The following GSTA1 variants were observed in gnomAD, a reference collection of about 807,000 sequenced individuals.
GSTA1 encodes glutathione S-transferase alpha 1.
In GSTA1, 23 loss-of-function variants were observed where a neutral mutation model predicts 21.5. That is an observed-to-expected ratio of 1.07 (90% CI 0.77 to 1.52). The LOEUF (loss-of-function observed/expected upper bound fraction) is 1.52. Among genes scored for constraint, GSTA1 ranks in the 40% most tolerant of loss-of-function variants. The pLI, the probability that GSTA1 is intolerant of heterozygous loss-of-function variation, is 0.00. For synonymous variants in GSTA1, 125 were observed against 90.0 expected (o/e 1.39, Z -2.20); for missense variants, 301 against 264.2 (o/e 1.14, Z -0.96).
intron 1 of GSTA1, among the ~76,000 whole-genome samples, chr6:52,802,357 T>A (rs545203932): frequency 5.9e-5 from 9 of 152,342 alleles, no homozygotes; most frequent in African/African-American, 2.2e-4. Flanking sequence ...CCTTCCATTA[T>A]GAGATTCATA....
intron 4 of GSTA1, 92 bp from the exon 5 acceptor site, chr6:52,794,358 G>T: frequency 7.7e-7 from 1 of 1,306,804 alleles, no homozygotes; most frequent in Non-Finnish European, 1.1e-6. Context: ...ATCAGGTGAT[G>T]GCAAAATAAT....
intron 4 of GSTA1, among the ~76,000 whole-genome samples, chr6:52,794,486 T>G (rs1269449348): frequency 6.6e-6 from 1 of 152,206 alleles, no homozygotes; most frequent in Non-Finnish European, 1.5e-5. Context: ...GTTACACACA[T>G]GACCTAATAC....
At position 52,792,851 on chromosome 6, in the gene GSTA1, G is replaced by A; in HGVS notation, c.546+5C>T. On this transcript the variant is annotated splice_donor_5th_base_variant and intron_variant, in intron 6 of 6. Transcript: ENST00000334575. ...GCTGCCTCTCTGGGCTGTGAAATGG[G>A]TCACCTTCAGCAGAGGGAAGCTGGA... The A allele has an allele frequency of 6.2e-7, 1 of 1,613,872 alleles. No individual in the cohort carries two copies.
chr6:52,801,691 T>C (rs1464438636), intron 1 of GSTA1, among the ~76,000 whole-genome samples: 1 of 152,140 alleles, frequency 6.6e-6, no homozygotes, highest in Non-Finnish European at 1.5e-5. Flanking sequence ...CTTTGTTGGG[T>C]CAACAGAAAA....
chr6:52,799,399 TC>T lies in GSTA1; in HGVS notation c.-30-103del, dbSNP rs938197975. 11 of 739,134 alleles carry T rather than the reference TC, an allele frequency of 1.5e-5. No individual in the cohort carries two copies. In the Admixed American group the frequency reaches 3.2e-4, roughly 21 times the overall value. The allele number at this position is 739,134 out of a possible 1,614,324, so 45.8% of individuals were successfully genotyped here. A position where few individuals can be genotyped will look rare whatever the true frequency, so the allele number is the denominator to read the frequency against. On this transcript the variant is annotated intron_variant, in intron 1 of 6. Transcript: ENST00000334575. ...CACCAACAATACTGAAGAAGAACCT[TC>T]CTTCTTCATGACTGTGTTGGAGGAG...
chr6:52,793,961 T>G (rs998412020), intron 5 of GSTA1, among the ~76,000 whole-genome samples, 164 bp downstream of exon 5: 3 of 152,328 alleles, frequency 2.0e-5, no homozygotes, highest in Middle Eastern at 3.4e-3. Context: ...ATACAATTGT[T>G]TCTCCAAGTC....
chr6:52,792,950 T>C lies in GSTA1; in HGVS notation c.452A>G (p.Asn151Ser). Residue 151 changes from asparagine (N) to serine (S), a missense_variant, in exon 6 of 7, where the codon AAC (asparagine) becomes AGC (serine). Coordinates refer to ENST00000334575, the MANE Select transcript of GSTA1 (RefSeq NM_145740.5). ...ATGAATGTCAGCCCGGCTCAGCTTGTTGCCAACAAGGTAGTCTTGTCCATG... is the reference window on the plus strand; with the variant it reads ...ATGAATGTCAGCCCGGCTCAGCTTGCTGCCAACAAGGTAGTCTTGTCCATG... Reference protein sequence around the residue: ...KSHGQDYLVGNKLSRADIHLV... With the variant: ...KSHGQDYLVGSKLSRADIHLV... 2 of 1,614,088 alleles carry C rather than the reference T, an allele frequency of 1.2e-6. No homozygotes were observed. Among genetic ancestry groups the C allele is most frequent in the Non-Finnish European group, 1.7e-6 (2 of 1,179,996 alleles).
At position 52,799,178 on chromosome 6, in the gene GSTA1, T is replaced by A. The variant is rs1467165809; in HGVS notation, c.87+3A>T. On this transcript the variant is annotated splice_donor_region_variant and intron_variant, in intron 2 of 6. Transcript: ENST00000334575. ...ACTTAAGATGACCTAACTCAGAACCTACCTCTACTCCAGCTGCAGCCAGGA... is the reference window on the plus strand; with the variant it reads ...ACTTAAGATGACCTAACTCAGAACCAACCTCTACTCCAGCTGCAGCCAGGA... The A allele has an allele frequency of 9.3e-6, 15 of 1,613,136 alleles. No homozygotes were observed. The highest frequency in any genetic ancestry group is 1.3e-5 in the Non-Finnish European group (15 of 1,179,306).
intron 4 of GSTA1, among the ~76,000 whole-genome samples, chr6:52,795,853 G>A (rs1164165990): frequency 6.6e-6 from 1 of 152,104 alleles, no homozygotes; most frequent in Non-Finnish European, 1.5e-5. Flanking sequence ...GTCCTAAACT[G>A]TTGGCCAGAG....
intron 4 of GSTA1, 83 bp from the exon 5 acceptor site, chr6:52,794,349 TCA>T: frequency 2.1e-6 from 3 of 1,407,420 alleles, no homozygotes; most frequent in Non-Finnish European, 9.7e-7. Context: ...GAGTAGAGTA[TCA>T]GGTGATGGCA....
Position 52,792,715 on chromosome 6 carries a change from C to G in GSTA1, c.546+141G>C, listed in dbSNP as rs760802946. ...GTGTTTTCATTCCTCAAAATTGGAG[C>G]CTGGAAGCTCATTTTGGAGACCTTG... On this transcript the variant is annotated intron_variant, in intron 6 of 6. Coordinates refer to ENST00000334575, the MANE Select transcript of GSTA1 (RefSeq NM_145740.5). 2.5e-6 allele frequency: 4 copies of G among 1,593,192 alleles called. No individual in the cohort carries two copies. In the East Asian group the frequency reaches 9.0e-5, roughly 36 times the overall value.
chr6:52,799,410 G>A (rs1763661161), intron 1 of GSTA1, 113 bp from the exon 2 acceptor site: 1 of 689,640 alleles, frequency 1.5e-6, no homozygotes. Context: ...CCTTCTTCAT[G>A]ACTGTGTTGG....
intron 1 of GSTA1, among the ~76,000 whole-genome samples, chr6:52,802,992 G>T (rs980978936): frequency 6.6e-6 from 1 of 152,116 alleles, no homozygotes; most frequent in Admixed American, 6.6e-5. Context: ...GCCCCATGAG[G>T]TCATGTAGTC....
chr6:52,797,950 G>C (rs1763628705), intron 2 of GSTA1, among the ~76,000 whole-genome samples: 1 of 152,178 alleles, frequency 6.6e-6, no homozygotes. Context: ...TCTAGTTATG[G>C]TGTTGTCATA....
At chr6:52,803,008 G>A (rs1763751507) in intron 1 of GSTA1, among the ~76,000 whole-genome samples, 1 of 152,132 alleles carries the variant, frequency 6.6e-6, no homozygotes. Context: ...TAGTCCCATG[G>A]TTCTCAACCA....
chr6:52,802,591 T>G (rs1763743123), intron 1 of GSTA1, among the ~76,000 whole-genome samples: 1 of 152,220 alleles, frequency 6.6e-6, no homozygotes, highest in Admixed American at 6.5e-5. Context: ...TTGATCTATC[T>G]ATCCATCAAT....
At chr6:52,801,681 C>T (rs1763720664) in intron 1 of GSTA1, among the ~76,000 whole-genome samples, 1 of 152,180 alleles carries the variant, frequency 6.6e-6, no homozygotes, top group African/African-American at 2.4e-5. Context: ...TACCATTGAG[C>T]TTTGTTGGGT....
intron 4 of GSTA1, 107 bp downstream of exon 4, chr6:52,796,075 C>A: frequency 1.3e-6 from 2 of 1,554,796 alleles, no homozygotes; most frequent in Non-Finnish European, 8.8e-7. Context: ...TGCCCAAGGC[C>A]CAGCCTGCTG....
Position 52,791,711 on chromosome 6 carries a change from TAGG to T in GSTA1, c.*144_*146del, listed in dbSNP as rs934966331. On this transcript the variant is annotated 3_prime_UTR_variant, in exon 7 of 7. Coordinates refer to ENST00000334575, the MANE Select transcript of GSTA1 (RefSeq NM_145740.5). ...AATCAATTTTAACTAAGTCAGCGAATAGGAGTTGTATTATTTAATTAGCATATA... is the reference window on the plus strand; with the variant it reads ...AATCAATTTTAACTAAGTCAGCGAATAGTTGTATTATTTAATTAGCATATA... 30 of 879,064 alleles carry T rather than the reference TAGG, an allele frequency of 3.4e-5. No homozygotes were observed. The Middle Eastern group carries it at 6.8e-4, about 20-fold the overall frequency. 54.5% of individuals were successfully genotyped at this position (879,064 alleles called of 1,614,324 possible).
Sources: allele counts gnomAD v4.1 joint callset (sites outside exome capture counted in the v4.1 genomes callset), GRCh38; gene constraint gnomAD v4.1.1; transcripts MANE v1.5; gene names NCBI Gene and HGNC (gene_info 2026-07-23, HGNC 2026-07-21).